WNT7A: variants seen among roughly 807,000 people sequenced by gnomAD.
The protein encoded by WNT7A is Wnt family member 7A.
Under a neutral mutation model 28.2 loss-of-function variants are expected in WNT7A, and 16 were observed. The ratio of observed to expected loss-of-function variants is 0.57; its 90% CI spans 0.38 to 0.86. The LOEUF is 0.86. Ranked by LOEUF, WNT7A falls within the 40% of genes least tolerant of loss-of-function variation. The pLI, the probability that WNT7A is intolerant of heterozygous loss-of-function variation, is 0.00. For missense variants in WNT7A, 411 were observed against 489.7 expected (o/e 0.84, Z 1.52); for synonymous variants, 190 against 195.9 (o/e 0.97, Z 0.25).
intron 2 of WNT7A, among the ~76,000 whole-genome samples, chr3:13,871,357 C>T: frequency 6.6e-6 from 1 of 152,108 alleles, no homozygotes; most frequent in South Asian, 2.1e-4. Context: ...AAATGTCATG[C>T]TTGCTTCTTG....
intron 2 of WNT7A, among the ~76,000 whole-genome samples, chr3:13,867,811 C>T (rs1409244476): frequency 4.6e-5 from 7 of 152,198 alleles, no homozygotes; most frequent in Admixed American, 1.3e-4. Flanking sequence ...CGTGGAAGAG[C>T]GAACATGCAC....
intron 2 of WNT7A, among the ~76,000 whole-genome samples, chr3:13,867,167 C>T (rs1694924453): frequency 6.6e-6 from 1 of 152,118 alleles, no homozygotes; most frequent in Non-Finnish European, 1.5e-5. Flanking sequence ...ATGCCACTAC[C>T]ACCTAGCAAG....
At chr3:13,878,912 G>GC (rs1695159047) in intron 1 of WNT7A, among the ~76,000 whole-genome samples, 5 of 152,144 alleles carry the variant, frequency 3.3e-5, no homozygotes, top group Admixed American at 3.3e-4. Flanking sequence ...GTCCCGAGCT[G>GC]CCCCCTCCCA....
At chr3:13,876,720 G>A (rs1347472074) in intron 1 of WNT7A, among the ~76,000 whole-genome samples, 3 of 144,798 alleles carry the variant, frequency 2.1e-5, no homozygotes, top group Non-Finnish European at 4.5e-5. Context: ...CCCTGCAGTA[G>A]GCACTCTGTC....
chr3:13,867,709 C>T (rs1408839552), intron 2 of WNT7A, among the ~76,000 whole-genome samples: 1 of 152,178 alleles, frequency 6.6e-6, no homozygotes, highest in Non-Finnish European at 1.5e-5. Flanking sequence ...ACCCTGGTTT[C>T]CCTGCACTGT....
chr3:13,832,752 A>C (rs1397909097), intron 3 of WNT7A, among the ~76,000 whole-genome samples: 1 of 151,952 alleles, frequency 6.6e-6, no homozygotes, highest in Non-Finnish European at 1.5e-5. Flanking sequence ...CCTGCCTGAC[A>C]TGGAGGGGAT....
chr3:13,864,206 G>T lies in WNT7A; in HGVS notation c.299-9403C>A, dbSNP rs143547285. On this transcript the variant is annotated intron_variant, in intron 2 of 3. Coordinates refer to ENST00000285018, the MANE Select transcript of WNT7A (RefSeq NM_004625.4). ...CATAGCAATGTTCTGTGTGTGCAAAGAATTTGATTATCTTCCTACATCCTG... is the reference window on the plus strand; with the variant it reads ...CATAGCAATGTTCTGTGTGTGCAAATAATTTGATTATCTTCCTACATCCTG... Among the ~76,000 whole-genome samples the T allele has an allele frequency of 2.4e-4, 36 of 152,290 alleles. No homozygotes were observed. The East Asian group carries it at 5.2e-3, about 22-fold the overall frequency.
intron 3 of WNT7A, among the ~76,000 whole-genome samples, chr3:13,821,058 C>A (rs576349863): frequency 4.6e-5 from 7 of 152,334 alleles, no homozygotes; most frequent in African/African-American, 1.7e-4. Context: ...ACACAGATAT[C>A]CCCAACACAG....
intron 3 of WNT7A, among the ~76,000 whole-genome samples, chr3:13,849,829 G>A (rs548054780): frequency 2.6e-5 from 4 of 152,336 alleles, no homozygotes; most frequent in South Asian, 4.1e-4. Context: ...CAGAGAAAGC[G>A]GCCTGTGCAA....
intron 3 of WNT7A, among the ~76,000 whole-genome samples, chr3:13,820,464 C>T (rs1694089471): frequency 6.6e-6 from 1 of 151,382 alleles, no homozygotes; most frequent in Admixed American, 6.6e-5. Flanking sequence ...GTGAGACATT[C>T]TGAGGCAAGG....
At chr3:13,877,871 A>G (rs1353776304) in intron 1 of WNT7A, among the ~76,000 whole-genome samples, 3 of 152,238 alleles carry the variant, frequency 2.0e-5, no homozygotes, top group Non-Finnish European at 4.4e-5. Context: ...TATCCGAGCA[A>G]AATAAGAATA....
intron 3 of WNT7A, among the ~76,000 whole-genome samples, chr3:13,847,081 C>G (rs1027270683): frequency 1.3e-5 from 2 of 152,234 alleles, no homozygotes; most frequent in African/African-American, 4.8e-5. Flanking sequence ...TGTGGCATCA[C>G]TGACAGGACC....
At position 13,818,887 on chromosome 3, in the gene WNT7A, C is replaced by T. The variant is rs752197874; in HGVS notation, c.*57G>A. On this transcript the variant is annotated 3_prime_UTR_variant, in exon 4 of 4. Coordinates refer to ENST00000285018, the MANE Select transcript of WNT7A (RefSeq NM_004625.4). ...TGCCAGGGAGCCCGCAGCTTGGAAACGGTCCAGTCCTCCCAGCAATCTGAC... is the reference window on the plus strand; with the variant it reads ...TGCCAGGGAGCCCGCAGCTTGGAAATGGTCCAGTCCTCCCAGCAATCTGAC... 3 of 1,521,018 alleles carry T rather than the reference C, an allele frequency of 2.0e-6. No individual in the cohort carries two copies. Among genetic ancestry groups the T allele is most frequent in the Admixed American group, 2.0e-5 (1 of 49,626 alleles). 94.2% of individuals were successfully genotyped at this position (1,521,018 alleles called of 1,614,324 possible).
chr3:13,848,280 A>T (rs1010748800), intron 3 of WNT7A, among the ~76,000 whole-genome samples: 8 of 152,204 alleles, frequency 5.3e-5, no homozygotes, highest in African/African-American at 1.2e-4. Flanking sequence ...TGAAGATGAT[A>T]AAAAAGACAA....
rs1695182594 is a variant in WNT7A, at chr3:13,879,876, G to A, written c.-60C>T. 5 of 1,450,140 alleles carry A rather than the reference G, an allele frequency of 3.4e-6. No homozygotes were observed. The South Asian group carries it at 4.2e-5, about 12-fold the overall frequency. 89.8% of individuals were successfully genotyped at this position (1,450,140 alleles called of 1,614,324 possible). ...TGTGCTGATCCCGCGGGCCGGCCCC[G>A]GCGGGGCAATCAACATAGCCCGCCC... is the stretch of plus-strand genomic sequence containing the variant. On this transcript the variant is annotated 5_prime_UTR_variant, in exon 1 of 4. Coordinates refer to ENST00000285018, the MANE Select transcript of WNT7A (RefSeq NM_004625.4).
intron 2 of WNT7A, among the ~76,000 whole-genome samples, chr3:13,871,406 C>T (rs1448544685): frequency 6.6e-6 from 1 of 152,094 alleles, no homozygotes; most frequent in Non-Finnish European, 1.5e-5. Flanking sequence ...TATGAGGAAA[C>T]CTAAGCTCAG....
chr3:13,837,671 G>C (rs554162318), intron 3 of WNT7A, among the ~76,000 whole-genome samples: 6 of 152,122 alleles, frequency 3.9e-5, no homozygotes, highest in Admixed American at 1.3e-4. Context: ...GAAGCATCCC[G>C]GAAAGTCTCT....
chr3:13,851,987 A>G (rs1261119084), intron 3 of WNT7A, among the ~76,000 whole-genome samples: 4 of 152,234 alleles, frequency 2.6e-5, no homozygotes, highest in Non-Finnish European at 5.9e-5. Context: ...TTGACGAGAC[A>G]ATGAGGGAAA....
At chr3:13,854,361 G>A (rs1694691067) in intron 3 of WNT7A, among the ~76,000 whole-genome samples, 171 bp downstream of exon 3, 1 of 152,028 alleles carries the variant, frequency 6.6e-6, no homozygotes, top group African/African-American at 2.4e-5. Flanking sequence ...GACAAGCTTC[G>A]TGCCATACAC....
Sources: allele counts gnomAD v4.1 joint callset (sites outside exome capture counted in the v4.1 genomes callset), GRCh38; gene constraint gnomAD v4.1.1; transcripts MANE v1.5; gene names NCBI Gene and HGNC (gene_info 2026-07-23, HGNC 2026-07-21).